The following RBFOX1 variants were observed in gnomAD, a reference collection of about 807,000 sequenced individuals.
The protein encoded by RBFOX1 is RNA binding protein fox-1 homolog 1.
Under a neutral mutation model 57.7 loss-of-function variants are expected in RBFOX1, and 8 were observed. That is an observed-to-expected ratio of 0.14 (90% CI 0.08 to 0.25). The LOEUF (loss-of-function observed/expected upper bound fraction) is 0.25. Among genes scored for constraint, RBFOX1 ranks in the 10% least tolerant of loss-of-function variants. The probability of loss-of-function intolerance (pLI) is 1.00; values close to 1 mark genes in which losing one functional copy is unlikely to be tolerated. For synonymous variants in RBFOX1, 326 were observed against 222.4 expected (o/e 1.47, Z -4.15); for missense variants, 611 against 548.5 (o/e 1.11, Z -1.14).
At chr16:7,438,183 A>T (rs994899114) in intron 4 of RBFOX1, among the ~76,000 whole-genome samples, 3 of 152,212 alleles carry the variant, frequency 2.0e-5, no homozygotes, top group African/African-American at 7.2e-5. Context: ...CAGAATGGTT[A>T]ATGTTAATTT....
At chr16:6,250,246 G>C (rs1358254567) in intron 1 of RBFOX1, among the ~76,000 whole-genome samples, 1 of 152,008 alleles carries the variant, frequency 6.6e-6, no homozygotes, top group African/African-American at 2.4e-5. Context: ...TTCTAGTCCT[G>C]TGTCAAACTC....
intron 4 of RBFOX1, among the ~76,000 whole-genome samples, chr16:5,886,680 G>T (rs142709323): frequency 6.6e-6 from 1 of 152,328 alleles, no homozygotes; most frequent in Non-Finnish European, 1.5e-5. Context: ...CTGAGGTCAG[G>T]AGTTTTGGAC....
intron 1 of RBFOX1, among the ~76,000 whole-genome samples, chr16:5,443,862 T>C (rs28498030): frequency 7.2e-5 from 11 of 152,306 alleles, no homozygotes; most frequent in South Asian, 2.1e-4. Context: ...GGGCTTTTTT[T>C]CCCCTTCTTT....
intron 3 of RBFOX1, among the ~76,000 whole-genome samples, chr16:5,748,777 A>T (rs1306740907): frequency 6.6e-6 from 1 of 151,958 alleles, no homozygotes; most frequent in East Asian, 1.9e-4. Context: ...TGCACATGAG[A>T]TGGGTTTCCT....
At chr16:5,992,490 A>T (rs913701715) in intron 4 of RBFOX1, among the ~76,000 whole-genome samples, 1 of 152,210 alleles carries the variant, frequency 6.6e-6, no homozygotes, top group African/African-American at 2.4e-5. Context: ...TAGATCTTGC[A>T]GGTTTTTCCT....
chr16:6,790,851 G>T (rs1159403768), intron 3 of RBFOX1, among the ~76,000 whole-genome samples: 1 of 151,802 alleles, frequency 6.6e-6, no homozygotes, highest in African/African-American at 2.4e-5. Flanking sequence ...TTATAGTTTT[G>T]TGTGTGTCAC....
At chr16:7,207,186 A>G (rs922909968) in intron 4 of RBFOX1, among the ~76,000 whole-genome samples, 3 of 152,132 alleles carry the variant, frequency 2.0e-5, no homozygotes, top group Non-Finnish European at 2.9e-5. Context: ...TAGCATCTTC[A>G]TTACCTTTGT....
chr16:6,415,994 G>A (rs975070769), intron 2 of RBFOX1, among the ~76,000 whole-genome samples: 2 of 152,210 alleles, frequency 1.3e-5, no homozygotes, highest in Non-Finnish European at 2.9e-5. Flanking sequence ...ACACCTGCCA[G>A]CGTTGTCATC....
chr16:7,632,127 T>C (rs747654758), intron 11 of RBFOX1, among the ~76,000 whole-genome samples: 1 of 152,178 alleles, frequency 6.6e-6, no homozygotes, highest in Non-Finnish European at 1.5e-5. Flanking sequence ...CAGGCTGGTC[T>C]CAAAGTCCTG....
At chr16:6,617,590 C>T (rs2098162408) in intron 2 of RBFOX1, among the ~76,000 whole-genome samples, 1 of 152,038 alleles carries the variant, frequency 6.6e-6, no homozygotes, top group East Asian at 2.0e-4. Flanking sequence ...CTACCACTTA[C>T]ATGTGGGGGT....
chr16:6,566,717 G>T (rs900613717), intron 2 of RBFOX1, among the ~76,000 whole-genome samples: 1 of 151,938 alleles, frequency 6.6e-6, no homozygotes, highest in Non-Finnish European at 1.5e-5. Flanking sequence ...CATCTTTACT[G>T]TTCCTGGCAC....
At chr16:7,224,024 C>T (rs577122524) in intron 4 of RBFOX1, among the ~76,000 whole-genome samples, 52 of 145,010 alleles carry the variant, frequency 3.6e-4, no homozygotes, top group African/African-American at 8.2e-4. Flanking sequence ...ATTATTTATG[C>T]ATATGTTGTA....
chr16:5,997,191 A>G (rs1038767017), intron 4 of RBFOX1, among the ~76,000 whole-genome samples: 1 of 152,064 alleles, frequency 6.6e-6, no homozygotes, highest in Admixed American at 6.6e-5. Context: ...GTCCAAACCT[A>G]CCAGGAAGCC....
intron 3 of RBFOX1, among the ~76,000 whole-genome samples, chr16:6,803,235 T>C (rs116664210): frequency 0.012 from 1,899 of 152,256 alleles, 51 homozygotes; most frequent in African/African-American, 0.043. Context: ...GCCTATGACA[T>C]TGCTGTTAGC....
chr16:6,658,498 C>T (rs370503244), intron 3 of RBFOX1, among the ~76,000 whole-genome samples: 1 of 152,146 alleles, frequency 6.6e-6, no homozygotes, highest in East Asian at 1.9e-4. Context: ...TGAGCCACCA[C>T]ACCCGGCCGA....
At chr16:5,960,765 G>C (rs1049772951) in intron 4 of RBFOX1, among the ~76,000 whole-genome samples, 2 of 152,152 alleles carry the variant, frequency 1.3e-5, no homozygotes, top group African/African-American at 4.8e-5. Context: ...ACAGTGAAAA[G>C]CCAAACATCC....
chr16:7,040,555 C>A (rs2045829184), intron 3 of RBFOX1, among the ~76,000 whole-genome samples: 1 of 150,516 alleles, frequency 6.6e-6, no homozygotes, highest in Non-Finnish European at 1.5e-5. Context: ...ACCTGCTTCT[C>A]TGTCCCTTCT....
intron 4 of RBFOX1, among the ~76,000 whole-genome samples, chr16:7,151,241 A>G (rs566504310): frequency 2.0e-5 from 3 of 152,206 alleles, no homozygotes; most frequent in Non-Finnish European, 4.4e-5. Flanking sequence ...AGAATGGGAG[A>G]TGGGCCACAT....
chr16:5,789,204 C>G (rs1597259525), intron 3 of RBFOX1, among the ~76,000 whole-genome samples: 1 of 152,186 alleles, frequency 6.6e-6, no homozygotes, highest in African/African-American at 2.4e-5. Context: ...TTTGTCTTAG[C>G]TCTGCCATCC....
Sources: allele counts gnomAD v4.1 joint callset (sites outside exome capture counted in the v4.1 genomes callset), GRCh38; gene constraint gnomAD v4.1.1; transcripts MANE v1.5; gene names NCBI Gene and HGNC (gene_info 2026-07-23, HGNC 2026-07-21).